XYLT1: variants seen among roughly 807,000 people sequenced by gnomAD.
The protein encoded by XYLT1 is beta-D-xylosyltransferase 1.
Under a neutral mutation model 91.3 loss-of-function variants are expected in XYLT1, and 36 were observed. The ratio of observed to expected loss-of-function variants is 0.39; its 90% confidence interval spans 0.30 to 0.52. The LOEUF (loss-of-function observed/expected upper bound fraction) is 0.52. Among genes scored for constraint, XYLT1 ranks in the 20% least tolerant of loss-of-function variants. XYLT1 has a pLI of 0.68. For synonymous variants in XYLT1, 588 were observed against 532.0 expected, an observed-to-expected ratio of 1.11 and a Z score of -1.45; for missense variants, 1,242 against 1,284.5, an observed-to-expected ratio of 0.97 and a Z score of 0.51.
intron 1 of XYLT1, among the ~76,000 whole-genome samples, chr16:17,460,895 G>A (rs994076491): frequency 5.9e-5 from 9 of 152,132 alleles, no homozygotes; most frequent in South Asian, 4.1e-4. Context: ...CATCTCCTAC[G>A]ATGTGGCTGC....
intron 5 of XYLT1, among the ~76,000 whole-genome samples, chr16:17,180,380 CTCTGTAATCAAAAATTGCT>C (rs1353331228): frequency 6.6e-6 from 1 of 152,102 alleles, no homozygotes; most frequent in Non-Finnish European, 1.5e-5. Context: ...CAAAGATTGA[CTCTGTAATCAAAAATTGCT>C]TCTGCTTGGC....
intron 1 of XYLT1, among the ~76,000 whole-genome samples, chr16:17,409,912 C>T (rs2036086186): frequency 1.3e-5 from 2 of 152,126 alleles, no homozygotes; most frequent in South Asian, 4.1e-4. Flanking sequence ...AGACTCCATG[C>T]TGCCCAGTTC....
At chr16:17,163,786 T>G (rs544367412) in intron 5 of XYLT1, among the ~76,000 whole-genome samples, 2 of 152,106 alleles carry the variant, frequency 1.3e-5, no homozygotes, top group Non-Finnish European at 2.9e-5. Context: ...AGGCCAGGCA[T>G]GCCTGTAATC....
intron 1 of XYLT1, among the ~76,000 whole-genome samples, chr16:17,440,809 T>A (rs1321310549): frequency 6.6e-6 from 1 of 152,012 alleles, no homozygotes; most frequent in Non-Finnish European, 1.5e-5. Context: ...AGAAGTCCAG[T>A]AGGGGTAAGT....
rs1966736580 is a variant in XYLT1, at chr16:17,103,606, T to G, written c.*5089A>C. The G allele has an allele frequency of 6.6e-6, 1 of 152,150 alleles. No homozygotes were observed. The highest frequency in any genetic ancestry group is 2.1e-4 in the South Asian group (1 of 4,822). 9.4% of individuals were successfully genotyped at this position (152,150 alleles called of 1,614,324 possible). On this transcript the variant is annotated 3_prime_UTR_variant, in exon 12 of 12. Coordinates refer to ENST00000261381, the MANE Select transcript of XYLT1 (RefSeq NM_022166.4). ...AAAGGAGAAACCTAAGGCTTTTGTT[T>G]TGTTTTGTTTTGTTTTTGAAGGAGG...
chr16:17,408,920 T>C (rs1003777355), intron 1 of XYLT1, among the ~76,000 whole-genome samples: 4 of 152,072 alleles, frequency 2.6e-5, no homozygotes, highest in African/African-American at 9.7e-5. Context: ...CAGAAGGACT[T>C]TGTGTGACAT....
At chr16:17,162,524 T>C (rs1172782542) in intron 5 of XYLT1, among the ~76,000 whole-genome samples, 4 of 151,662 alleles carry the variant, frequency 2.6e-5, no homozygotes, top group Non-Finnish European at 5.9e-5. Context: ...TGGGGACAAA[T>C]GTCACAGCTT....
At chr16:17,120,003 C>A (rs1315068288) in intron 10 of XYLT1, among the ~76,000 whole-genome samples, 1 of 152,156 alleles carries the variant, frequency 6.6e-6, no homozygotes, top group Non-Finnish European at 1.5e-5. Context: ...ACTAAGAAAG[C>A]ATCCTGAGAG....
intron 5 of XYLT1, among the ~76,000 whole-genome samples, chr16:17,179,555 C>T (rs1015713292): frequency 9.9e-5 from 15 of 152,128 alleles, no homozygotes; most frequent in Non-Finnish European, 1.9e-4. Flanking sequence ...ATATATGACC[C>T]GCTCACTTAT....
At chr16:17,413,248 A>T (rs762799680) in intron 1 of XYLT1, among the ~76,000 whole-genome samples, 32 of 152,172 alleles carry the variant, frequency 2.1e-4, no homozygotes, top group Non-Finnish European at 4.0e-4. Context: ...CATCAATGCC[A>T]CACACTGTGC....
chr16:17,357,674 CCT>C (rs2035320957), intron 2 of XYLT1, among the ~76,000 whole-genome samples: 1 of 152,240 alleles, frequency 6.6e-6, no homozygotes, highest in Admixed American at 6.5e-5. Context: ...TCATGGCTCT[CCT>C]CTGTCTCCTC....
At chr16:17,392,319 T>C (rs762418412) in intron 1 of XYLT1, among the ~76,000 whole-genome samples, 10 of 151,866 alleles carry the variant, frequency 6.6e-5, no homozygotes, top group Non-Finnish European at 1.3e-4. Context: ...GCCTGGGAGG[T>C]TTTTCATCCA....
chr16:17,232,638 A>G (rs2033183655), intron 3 of XYLT1, among the ~76,000 whole-genome samples: 1 of 151,672 alleles, frequency 6.6e-6, no homozygotes, highest in Admixed American at 6.6e-5. Flanking sequence ...TGTGAAGGCG[A>G]TGACAGTGGT....
chr16:17,306,000 T>G (rs1278175731), intron 2 of XYLT1, among the ~76,000 whole-genome samples: 2 of 152,082 alleles, frequency 1.3e-5, no homozygotes, highest in African/African-American at 4.8e-5. Context: ...TGCTGAGAAC[T>G]GCTGTGATGT....
chr16:17,224,576 C>T (rs2033030012), intron 3 of XYLT1, among the ~76,000 whole-genome samples: 1 of 152,230 alleles, frequency 6.6e-6, no homozygotes, highest in African/African-American at 2.4e-5. Flanking sequence ...CCCTCTGCGT[C>T]CTGGCTCTGT....
chr16:17,374,982 G>A (rs1265457711), intron 1 of XYLT1, among the ~76,000 whole-genome samples: 2 of 152,146 alleles, frequency 1.3e-5, no homozygotes. Context: ...GATATGGGAC[G>A]TTCAGCACTA....
chr16:17,259,373 C>A lies in XYLT1; in HGVS notation c.528G>T (p.Lys176Asn). 6.2e-7 allele frequency: 1 copy of A among 1,614,180 alleles called. No individual in the cohort carries two copies. The highest frequency in any genetic ancestry group is 8.5e-7 in the Non-Finnish European group (1 of 1,180,036). ...GCTTCTTCGCCAACTCAGGCTGGTG[C>A]TTCTGCTTTTGAGTCCTGGGTGCGA... is the stretch of plus-strand genomic sequence containing the variant. ...SNFAPRTQKQ[K>N]HQPELAKKPP... is the part of the protein sequence containing the mutation. The change falls in exon 3 of 12, where the codon AAG (lysine) becomes AAT (asparagine). Residue 176 changes from lysine to asparagine, a missense_variant. Lys to Asn is a moderately conservative substitution (Grantham distance 94). Around this residue, in one of 3 missense-constraint regions of XYLT1, gnomAD observed 437 missense variants for 411.5 expected, o/e 1.06. Transcript: ENST00000261381.
intron 5 of XYLT1, among the ~76,000 whole-genome samples, chr16:17,163,569 C>A (rs2031601966): frequency 6.6e-6 from 1 of 152,216 alleles, no homozygotes; most frequent in Non-Finnish European, 1.5e-5. Flanking sequence ...TGTCAAGGAC[C>A]CTGCCAGAGG....
intron 1 of XYLT1, among the ~76,000 whole-genome samples, chr16:17,362,691 C>A (rs1359682510): frequency 6.6e-6 from 1 of 152,216 alleles, no homozygotes; most frequent in African/African-American, 2.4e-5. Context: ...ATACATCAAA[C>A]CTATCTGGCT....
Sources: gnomAD v4.1 joint callset for allele counts (sites outside exome capture counted in the v4.1 genomes callset) on GRCh38, gnomAD v4.1.1 for gene constraint, gnomAD v4.1.1 regional missense constraint, MANE v1.5 for transcripts, NCBI Gene and HGNC (gene_info 2026-07-23, HGNC 2026-07-21) for gene names.